Variants in SLC4A4 observed in about 807,000 individuals in gnomAD.
SLC4A4 encodes the protein solute carrier family 4 member 4.
Under a neutral mutation model 111.5 loss-of-function variants are expected in SLC4A4, and 27 were observed. The ratio of observed to expected loss-of-function variants is 0.24; its 90% CI spans 0.18 to 0.33. SLC4A4 has a LOEUF of 0.33. Ranked by LOEUF, SLC4A4 falls within the 10% of genes least tolerant of loss-of-function variation. The probability of loss-of-function intolerance (pLI) is 1.00; values close to 1 mark genes in which losing one functional copy is unlikely to be tolerated. For missense variants in SLC4A4, 909 were observed against 1,315.5 expected (o/e 0.69, Z 4.78); for synonymous variants, 443 against 463.4 (o/e 0.96, Z 0.57).
chr4:71,465,430 C>A (rs1727216204), intron 12 of SLC4A4, among the ~76,000 whole-genome samples: 1 of 151,056 alleles, frequency 6.6e-6, no homozygotes, highest in South Asian at 2.1e-4. Context: ...TATTTTATGT[C>A]TACAAAAGAA....
intron 12 of SLC4A4, among the ~76,000 whole-genome samples, chr4:71,465,067 A>G (rs1281098705): frequency 6.6e-6 from 1 of 152,112 alleles, no homozygotes; most frequent in African/African-American, 2.4e-5. Flanking sequence ...TGAGGGTCAC[A>G]GGAAATGACT....
intron 2 of SLC4A4, among the ~76,000 whole-genome samples, chr4:71,120,505 C>T (rs933706099): frequency 6.6e-6 from 1 of 152,176 alleles, no homozygotes; most frequent in African/African-American, 2.4e-5. Flanking sequence ...TCCCTCTAGT[C>T]TCTACTTTTC....
chr4:71,325,631 T>C (rs1727444140), intron 3 of SLC4A4, among the ~76,000 whole-genome samples: 3 of 152,012 alleles, frequency 2.0e-5, no homozygotes, highest in Admixed American at 6.6e-5. Flanking sequence ...TTAGTAGTTC[T>C]AGCAAAAGGC....
At chr4:71,482,348 A>AT (rs1331980361) in intron 14 of SLC4A4, among the ~76,000 whole-genome samples, 14 of 151,632 alleles carry the variant, frequency 9.2e-5, no homozygotes, top group Non-Finnish European at 1.2e-4. Flanking sequence ...GTCTTTTGGG[A>AT]TTTTGAGAGC....
intron 6 of SLC4A4, among the ~76,000 whole-genome samples, chr4:71,373,508 T>C (rs1313298192): frequency 6.6e-6 from 1 of 152,094 alleles, no homozygotes; most frequent in Non-Finnish European, 1.5e-5. Context: ...AAAGCAACCA[T>C]GTTGTTGAGA....
chr4:71,066,491 A>G (rs887549162), intron 1 of SLC4A4, among the ~76,000 whole-genome samples: 19 of 152,294 alleles, frequency 1.2e-4, no homozygotes, highest in African/African-American at 4.6e-4. Flanking sequence ...GTAGCCCTTT[A>G]CAAAAATCCC....
chr4:71,255,355 T>A lies in SLC4A4; in HGVS notation c.209T>A (p.Ile70Asn), dbSNP rs748841942. ...GAGAACTACTCTGACAAATCAGATA[T>A]TGAAAATGCTGATGAATCCAGCAGC... is the stretch of plus-strand genomic sequence containing the variant. ...ISENYSDKSD[I>N]ENADESSSSI... is the part of the protein sequence containing the mutation. Residue 70 changes from isoleucine (I) to asparagine (N), a missense_variant, in exon 3 of 26, where the codon ATT becomes AAT. By Grantham distance (149) the Ile-to-Asn change is moderately radical. This residue lies in a region of SLC4A4 where 117 missense variants were observed against 154.2 expected (regional missense o/e 0.76). Transcript: ENST00000264485. The A allele has an allele frequency of 3.1e-6, 5 of 1,613,522 alleles. No individual in the cohort carries two copies. The highest frequency in any genetic ancestry group is 4.2e-6 in the Non-Finnish European group (5 of 1,179,604).
At chr4:71,126,967 C>G (rs1266157207) in intron 2 of SLC4A4, among the ~76,000 whole-genome samples, 1 of 152,206 alleles carries the variant, frequency 6.6e-6, no homozygotes, top group Non-Finnish European at 1.5e-5. Flanking sequence ...AAGCCATCCT[C>G]TACTGGGATG....
chr4:71,158,629 G>A (rs1235090134), intron 2 of SLC4A4, among the ~76,000 whole-genome samples: 1 of 152,158 alleles, frequency 6.6e-6, no homozygotes, highest in African/African-American at 2.4e-5. Flanking sequence ...AGCCGAAAAA[G>A]GAATGACTGA....
At chr4:71,339,337 C>A in intron 3 of SLC4A4, 33 bp from the exon 4 acceptor site, 1 of 1,614,152 alleles carries the variant, frequency 6.2e-7, no homozygotes, top group South Asian at 1.1e-5. Context: ...GTTGTCCAGC[C>A]AATGTTTAAC....
intron 2 of SLC4A4, among the ~76,000 whole-genome samples, chr4:71,245,226 C>CT (rs1285446486): frequency 1.3e-5 from 2 of 152,058 alleles, no homozygotes; most frequent in Non-Finnish European, 2.9e-5. Context: ...AACTCAAGGT[C>CT]TTTTATGTTA....
chr4:71,346,537 T>A (rs968263721), intron 4 of SLC4A4, among the ~76,000 whole-genome samples: 3 of 151,956 alleles, frequency 2.0e-5, no homozygotes, highest in Admixed American at 1.3e-4. Flanking sequence ...TTTTTTTTTT[T>A]AAACGTAATT....
chr4:71,517,343 A>AT (rs2149185947), intron 16 of SLC4A4, among the ~76,000 whole-genome samples: 1 of 151,814 alleles, frequency 6.6e-6, no homozygotes, highest in East Asian at 1.9e-4. Context: ...AAGTTCACAG[A>AT]TTCTTCTGCT....
At chr4:71,346,621 T>A (rs919793999) in intron 4 of SLC4A4, among the ~76,000 whole-genome samples, 12 of 152,236 alleles carry the variant, frequency 7.9e-5, no homozygotes, top group African/African-American at 2.9e-4. Context: ...TGCCTTAGCC[T>A]TTTCTTTAAT....
chr4:71,512,041 C>T (rs1440375155), intron 16 of SLC4A4, among the ~76,000 whole-genome samples: 1 of 152,102 alleles, frequency 6.6e-6, no homozygotes, highest in Non-Finnish European at 1.5e-5. Flanking sequence ...AGTTTGATCC[C>T]ATACCTTTGC....
chr4:71,353,576 T>G (rs1182502971), intron 5 of SLC4A4, among the ~76,000 whole-genome samples: 1 of 152,134 alleles, frequency 6.6e-6, no homozygotes. Flanking sequence ...GCACAGTAAC[T>G]TGAGAAGTTA....
intron 16 of SLC4A4, among the ~76,000 whole-genome samples, chr4:71,506,700 A>T (rs1341800368): frequency 6.6e-6 from 1 of 152,162 alleles, no homozygotes; most frequent in East Asian, 1.9e-4. Context: ...AACTTCCCCA[A>T]CCTAGCTAGA....
chr4:71,140,668 A>T (rs1305896993), intron 2 of SLC4A4, among the ~76,000 whole-genome samples: 1 of 152,102 alleles, frequency 6.6e-6, no homozygotes, highest in Admixed American at 6.6e-5. Context: ...AGTTGCTCAG[A>T]TCTCAAACCT....
rs1341124405 is a variant in SLC4A4 at position 71,164,456 on chromosome 4, C to A, written c.-2+71664C>A. ...CCATTAAAACATGACATAGTAAGTC[C>A]CAAAATAAAAATTTCTATATAGCAG... On this transcript the variant is annotated intron_variant, in intron 2 of 26. Coordinates refer to the SLC4A4 transcript ENST00000649996. 4.6e-5 allele frequency among the ~76,000 whole-genome samples: 7 copies of A among 151,728 alleles called. No individual in the cohort carries two copies. In the South Asian group the frequency reaches 1.3e-3, roughly 27 times the overall value.
Sources: gnomAD v4.1 joint callset for allele counts (sites outside exome capture counted in the v4.1 genomes callset) on GRCh38, gnomAD v4.1.1 for gene constraint, gnomAD v4.1.1 regional missense constraint, MANE v1.5 for transcripts, NCBI Gene and HGNC (gene_info 2026-07-23, HGNC 2026-07-21) for gene names.